KIRREL1: variants seen among roughly 807,000 people sequenced by gnomAD.
KIRREL1 encodes the protein kirre like nephrin family adhesion molecule 1.
In KIRREL1, 25 loss-of-function variants were observed where a neutral mutation model predicts 83.3. That is an observed-to-expected ratio of 0.30 (90% CI 0.22 to 0.42). The LOEUF is 0.42. Ranked by LOEUF, KIRREL1 falls within the 10% of genes least tolerant of loss-of-function variation. The pLI, the probability that KIRREL1 is intolerant of heterozygous loss-of-function variation, is 1.00. For synonymous variants in KIRREL1, 388 were observed against 410.4 expected (o/e 0.95, Z 0.66); for missense variants, 812 against 1,032.3 (o/e 0.79, Z 2.92).
chr1:158,092,896 A>G lies in KIRREL1; in HGVS notation c.1472-443A>G, dbSNP rs559913023. On this transcript the variant is annotated intron_variant, in intron 11 of 14. Coordinates refer to ENST00000359209, the MANE Select transcript of KIRREL1 (RefSeq NM_018240.7). ...TGGAGCCCTGAGTAGATAGGTGAAC[A>G]TTCGGCAGTCACAGTGGTATTATGG... Among the ~76,000 whole-genome samples the G allele has an allele frequency of 7.2e-5, 11 of 152,340 alleles. No individual in the cohort carries two copies. In the South Asian group the frequency reaches 2.1e-3, roughly 29 times the overall value.
intron 1 of KIRREL1, among the ~76,000 whole-genome samples, chr1:158,067,384 C>A (rs1365140551): frequency 1.3e-5 from 2 of 152,198 alleles, no homozygotes; most frequent in African/African-American, 4.8e-5. Flanking sequence ...CCCTCCACAT[C>A]CCTGCAGGAT....
intron 1 of KIRREL1, among the ~76,000 whole-genome samples, chr1:158,041,979 CA>C (rs997183517): frequency 2.6e-5 from 4 of 152,136 alleles, no homozygotes; most frequent in Non-Finnish European, 4.4e-5. Flanking sequence ...AATTGGACCT[CA>C]GAAGTTCAAG....
intron 1 of KIRREL1, chr1:158,031,293 GTCT>G: frequency 6.6e-6 from 1 of 152,120 alleles, no homozygotes; most frequent in East Asian, 1.9e-4. Context: ...TCTAGAACTT[GTCT>G]TCTTATTCTT....
chr1:158,002,545 G>A (rs1385254380), intron 1 of KIRREL1, among the ~76,000 whole-genome samples: 15 of 152,316 alleles, frequency 9.8e-5, no homozygotes, highest in African/African-American at 2.6e-4. Context: ...TATGAGCATT[G>A]TTTTTTTAAA....
chr1:158,042,916 AAAAAAAAAAAAATAC>A (rs2101581386), intron 1 of KIRREL1, among the ~76,000 whole-genome samples: 1 of 150,504 alleles, frequency 6.6e-6, no homozygotes, highest in Admixed American at 6.6e-5. Flanking sequence ...TACTAAAAAA[AAAAAAAAAAAAATAC>A]AAAAAAATTA....
chr1:158,058,627 T>C (rs1399769157), intron 1 of KIRREL1, among the ~76,000 whole-genome samples: 4 of 152,188 alleles, frequency 2.6e-5, no homozygotes, highest in African/African-American at 7.2e-5. Context: ...GGGGAGCTAG[T>C]GCAGGTACTT....
intron 1 of KIRREL1, among the ~76,000 whole-genome samples, chr1:158,026,257 C>G (rs575803559): frequency 2.6e-5 from 4 of 152,174 alleles, no homozygotes; most frequent in African/African-American, 9.7e-5. Flanking sequence ...AGAAAGCACA[C>G]CAGGGGTAGG....
At chr1:158,088,295 A>T in intron 7 of KIRREL1, 32 bp from the exon 8 acceptor site, 2 of 1,601,628 alleles carry the variant, frequency 1.2e-6, no homozygotes, top group Non-Finnish European at 1.7e-6. Flanking sequence ...TGAGCTTGAG[A>T]CCCTAACGAG....
chr1:158,087,801 G>A lies in KIRREL1; in HGVS notation c.708G>A (p.Glu236=). Residue 236 remains glutamate, a synonymous_variant, in exon 6 of 15, where the codon GAG becomes GAA. Coordinates refer to ENST00000359209, the MANE Select transcript of KIRREL1 (RefSeq NM_018240.7). The part of the protein sequence containing the change: ...TLSIEPQTVQ[E]GERVVFTCQA... The stretch of plus-strand genomic sequence containing the variant: ...CCATTGAGCCACAGACGGTGCAGGA[G>A]GGTGAGCGTGTTGTCTTTACCTGCC... 6.2e-7 allele frequency: 1 copy of A among 1,614,130 alleles called. No homozygotes were observed. Among genetic ancestry groups the A allele is most frequent in the South Asian group, 1.1e-5 (1 of 91,072 alleles).
chr1:158,014,202 G>C (rs759924466), intron 1 of KIRREL1, among the ~76,000 whole-genome samples: 10 of 151,880 alleles, frequency 6.6e-5, no homozygotes, highest in Non-Finnish European at 1.2e-4. Flanking sequence ...GACCTCACTA[G>C]AGTAAGAGAG....
chr1:158,002,733 G>A (rs1317639493), intron 1 of KIRREL1, among the ~76,000 whole-genome samples: 1 of 152,174 alleles, frequency 6.6e-6, no homozygotes, highest in Non-Finnish European at 1.5e-5. Context: ...TCCAGTGAGG[G>A]GGAGTGGAGC....
Position 158,087,886 on chromosome 1 carries a change from C to T in KIRREL1, c.767+26C>T, listed in dbSNP as rs750211603. The stretch of plus-strand genomic sequence containing the variant: ...GTGAGGGGGTCAGAGGCTGGGAGCG[C>T]TCTGGGGAGTGATAAGGAAGAGTTC... On this transcript the variant is annotated intron_variant, in intron 6 of 14. Coordinates refer to ENST00000359209, the MANE Select transcript of KIRREL1 (RefSeq NM_018240.7). 9 of 1,610,268 alleles carry T rather than the reference C, an allele frequency of 5.6e-6. No individual in the cohort carries two copies. The South Asian group carries it at 8.8e-5, about 16-fold the overall frequency.
rs1291975974 is a variant in KIRREL1 at position 158,098,388 on chromosome 1, A to G, written c.*3268A>G. ...CCTTCCTCCACCCTGATCCTTAGGA[A>G]CATTCCTCTGGCCCAGGGACAGCTT... On this transcript the variant is annotated 3_prime_UTR_variant, in exon 15 of 15. Transcript: ENST00000359209. 1.3e-5 allele frequency: 2 copies of G among 152,260 alleles called. No homozygotes were observed. Among genetic ancestry groups the G allele is most frequent in the Admixed American group, 1.3e-4 (2 of 15,284 alleles). The allele number at this position is 152,260 out of a possible 1,614,324, so 9.4% of individuals were successfully genotyped here.
intron 1 of KIRREL1, among the ~76,000 whole-genome samples, chr1:158,064,672 A>C (rs114615230): frequency 0.014 from 2,165 of 152,258 alleles, 40 homozygotes; most frequent in African/African-American, 0.049. Context: ...ACAACTGTTA[A>C]TGTCTATCCT....
intron 1 of KIRREL1, among the ~76,000 whole-genome samples, chr1:158,057,065 A>G (rs1423394273): frequency 3.3e-5 from 5 of 151,936 alleles, no homozygotes; most frequent in Non-Finnish European, 7.4e-5. Flanking sequence ...ATCAAACCCT[A>G]ATGAAGTGCC....
intron 1 of KIRREL1, among the ~76,000 whole-genome samples, chr1:157,999,050 C>T (rs992617883): frequency 6.6e-6 from 1 of 152,114 alleles, no homozygotes; most frequent in African/African-American, 2.4e-5. Context: ...CTAGAAGAGC[C>T]ACACCCTGCC....
Position 158,088,042 on chromosome 1 carries a change from C to G in KIRREL1, c.804C>G (p.His268Gln), listed in dbSNP as rs762780264. 1 of 1,614,072 alleles carries G rather than the reference C, an allele frequency of 6.2e-7. No homozygotes were observed. Among genetic ancestry groups the G allele is most frequent in the Non-Finnish European group, 8.5e-7 (1 of 1,180,048 alleles). Residue 268 changes from histidine (H) to glutamine (Q), a missense_variant, in exon 7 of 15, where the codon CAC becomes CAG. Physicochemically the swap from His to Gln is conservative, Grantham distance 24 (BLOSUM62 0). Transcript: ENST00000359209. ...AKGGFLIEDA[H>Q]ESRYETNVDY... ...GGGGTTTCTTGATTGAAGACGCCCACGAGAGTCGCTATGAGACAAATGTGG... is the reference window on the plus strand; with the variant it reads ...GGGGTTTCTTGATTGAAGACGCCCAGGAGAGTCGCTATGAGACAAATGTGG...
At chr1:158,018,426 G>T (rs1372652264) in intron 1 of KIRREL1, among the ~76,000 whole-genome samples, 1 of 152,152 alleles carries the variant, frequency 6.6e-6, no homozygotes, top group Non-Finnish European at 1.5e-5. Flanking sequence ...AGACCTGTGG[G>T]CAGGTAGGAG....
chr1:158,077,365 T>C lies in KIRREL1; in HGVS notation c.203-626T>C, dbSNP rs577722290. Reference sequence around the variant, plus strand: ...ATAGCCTCTGGACAGAGGGAGATCATGGGAAGGAGCTGATGGTGGGAATGT... The same window carrying C: ...ATAGCCTCTGGACAGAGGGAGATCACGGGAAGGAGCTGATGGTGGGAATGT... On this transcript the variant is annotated intron_variant, in intron 2 of 14. Coordinates refer to ENST00000359209, the MANE Select transcript of KIRREL1 (RefSeq NM_018240.7). 2.6e-5 allele frequency among the ~76,000 whole-genome samples: 4 copies of C among 152,060 alleles called. No individual in the cohort carries two copies. In the South Asian group the frequency reaches 6.2e-4, roughly 24 times the overall value.
Sources: allele counts gnomAD v4.1 joint callset (sites outside exome capture counted in the v4.1 genomes callset), GRCh38; gene constraint gnomAD v4.1.1; transcripts MANE v1.5; gene names NCBI Gene and HGNC (gene_info 2026-07-23, HGNC 2026-07-21).